ZNF423: variants seen among roughly 807,000 people sequenced by gnomAD.
ZNF423 encodes the protein zinc finger protein 423.
ZNF423 carries 12 observed loss-of-function variants against 95.8 expected under a neutral mutation model. That is an observed-to-expected ratio of 0.13 (90% CI 0.08 to 0.20). The LOEUF (loss-of-function observed/expected upper bound fraction) is 0.20. Among genes scored for constraint, ZNF423 ranks in the 10% least tolerant of loss-of-function variants. The pLI is 1.00. For synonymous variants in ZNF423, 749 were observed against 711.9 expected (o/e 1.05, Z -0.83); for missense variants, 1,316 against 1,737.1 (o/e 0.76, Z 4.31).
intron 1 of ZNF423, among the ~76,000 whole-genome samples, chr16:49,806,766 C>T (rs552479007): frequency 1.8e-4 from 28 of 152,034 alleles, no homozygotes; most frequent in Non-Finnish European, 3.4e-4. Context: ...CTGTGACTCA[C>T]GCCTGTAATC....
intron 2 of ZNF423, among the ~76,000 whole-genome samples, chr16:49,771,192 C>CTTTTTTTTTT (rs71380376): frequency 4.5e-5 from 4 of 89,476 alleles, no homozygotes; most frequent in Non-Finnish European, 8.2e-5. Context: ...TTTTTTTTTT[C>CTTTTTTTTTT]TTTTTTTTTT....
At chr16:49,766,230 T>C (rs1284807369) in intron 2 of ZNF423, among the ~76,000 whole-genome samples, 1 of 151,998 alleles carries the variant, frequency 6.6e-6, no homozygotes, top group Non-Finnish European at 1.5e-5. Context: ...TCAAGGGAAA[T>C]ATCATTAAAT....
rs745830262 is a variant in ZNF423, at chr16:49,637,436, G to T, written c.1740C>A (p.Pro580=). 2 of 1,614,118 alleles carry T rather than the reference G, an allele frequency of 1.2e-6. No individual in the cohort carries two copies. The highest frequency in any genetic ancestry group is 3.3e-5 in the Admixed American group (2 of 60,006). Residue 580 remains proline (P), a synonymous_variant, in exon 4 of 8, where the codon CCC becomes CCA. Transcript: ENST00000563137. This position sits in a 1 kb window ranked among gnomAD's most constrained non-coding sequence, Gnocchi z 5.6. The stretch of plus-strand genomic sequence containing the variant: ...TGAGTTTCAGGATGGAGCCAAAGAT[G>T]GGGGAGTTGGTGCAGTAGGGGCAGG... ...VYSCPYCTNS[P]IFGSILKLTK...
intron 3 of ZNF423, among the ~76,000 whole-genome samples, chr16:49,652,457 C>A (rs935955575): frequency 6.6e-6 from 1 of 152,072 alleles, no homozygotes; most frequent in African/African-American, 2.4e-5. Context: ...GGAAGAGCCC[C>A]CCAAGTCTGC....
chr16:49,502,424 G>C (rs1049076109), intron 7 of ZNF423, among the ~76,000 whole-genome samples: 2 of 152,066 alleles, frequency 1.3e-5, no homozygotes, highest in Admixed American at 6.5e-5. Context: ...GCCAGGTGCT[G>C]GCAAACCTGG....
chr16:49,681,707 G>A lies in ZNF423; in HGVS notation c.302-42833C>T, dbSNP rs1216822009. Among the ~76,000 whole-genome samples the A allele has an allele frequency of 2.0e-5, 3 of 152,320 alleles. No individual in the cohort carries two copies. In the South Asian group the frequency reaches 6.2e-4, roughly 32 times the overall value. On this transcript the variant is annotated intron_variant, in intron 3 of 7. Transcript: ENST00000563137. ...CGGCCACTCCCCCAGGTGCCCATGG[G>A]TTCCTGGAGGCTGCAGGGATCTGAA...
chr16:49,858,082 C>A (rs376345275), upstream of ZNF423, among the ~76,000 whole-genome samples: 100 of 152,172 alleles, frequency 6.6e-4, no homozygotes, highest in African/African-American at 2.0e-3. The surrounding 1 kb of genome is among the most constrained non-coding windows in gnomAD (Gnocchi z 4.3). Context: ...GAGAACGGAG[C>A]GGGTGCACGG....
In ZNF423 at chr16:49,606,913, C is replaced by T. The variant is rs144022309; in HGVS notation, c.3601+19257G>A. ...CCATTGGAACCAGAGCAGAGCCCAC[C>T]GGGTGGGGGTCTGCAGGGAGAGGAG... is the stretch of plus-strand genomic sequence containing the variant. On this transcript the variant is annotated intron_variant, in intron 5 of 7. Coordinates refer to ENST00000563137, the MANE Select transcript of ZNF423 (RefSeq NM_001379286.1). Among the ~76,000 whole-genome samples, 25 of 152,148 alleles carry T rather than the reference C, an allele frequency of 1.6e-4. No homozygotes were observed. In the East Asian group the frequency reaches 3.5e-3, roughly 21 times the overall value.
chr16:49,750,715 A>G (rs745835415), intron 2 of ZNF423, among the ~76,000 whole-genome samples: 1 of 152,182 alleles, frequency 6.6e-6, no homozygotes, highest in Non-Finnish European at 1.5e-5. Flanking sequence ...AGATGCATAA[A>G]TAGAGAAATA....
intron 5 of ZNF423, among the ~76,000 whole-genome samples, chr16:49,604,889 A>G (rs1971486045): frequency 6.6e-6 from 1 of 152,188 alleles, no homozygotes; most frequent in Non-Finnish European, 1.5e-5. Flanking sequence ...GACTGTCCAC[A>G]TCACCAGATC....
intron 1 of ZNF423, chr16:49,854,246 G>A: frequency 7.1e-6 from 7 of 985,402 alleles, no homozygotes; most frequent in Non-Finnish European, 8.4e-6. Flanking sequence ...CAGGGAAAAG[G>A]AGGAGTAGGA....
intron 7 of ZNF423, among the ~76,000 whole-genome samples, chr16:49,496,685 A>G (rs947724281): frequency 6.6e-6 from 1 of 152,232 alleles, no homozygotes; most frequent in Non-Finnish European, 1.5e-5. Flanking sequence ...CTCAGGAGAT[A>G]ATGCCTGCAT....
At chr16:49,515,765 G>A (rs532523157) in intron 7 of ZNF423, among the ~76,000 whole-genome samples, 4 of 152,334 alleles carry the variant, frequency 2.6e-5, no homozygotes, top group Non-Finnish European at 4.4e-5. Flanking sequence ...CATCCCCACA[G>A]TGAGGATGAA....
chr16:49,609,707 C>T (rs1243513250), intron 5 of ZNF423, among the ~76,000 whole-genome samples: 2 of 151,852 alleles, frequency 1.3e-5, no homozygotes, highest in South Asian at 4.2e-4. Flanking sequence ...GGGACTATAA[C>T]ATTTTTGTGA....
intron 5 of ZNF423, among the ~76,000 whole-genome samples, chr16:49,545,554 G>C (rs1026412230): frequency 1.3e-5 from 2 of 152,148 alleles, no homozygotes; most frequent in Non-Finnish European, 2.9e-5. Flanking sequence ...TCAGCACCGA[G>C]CCTCCGACAG....
intron 5 of ZNF423, among the ~76,000 whole-genome samples, chr16:49,613,540 A>T (rs1409971154): frequency 6.6e-6 from 1 of 152,222 alleles, no homozygotes; most frequent in African/African-American, 2.4e-5. Context: ...AAATTTAAAA[A>T]TTAGCCAGAT....
intron 4 of ZNF423, among the ~76,000 whole-genome samples, chr16:49,628,314 A>G (rs1340333217): frequency 6.7e-6 from 1 of 148,498 alleles, no homozygotes; most frequent in Non-Finnish European, 1.5e-5. Context: ...CTACCCATTC[A>G]TCCATCTTCC....
intron 3 of ZNF423, among the ~76,000 whole-genome samples, chr16:49,694,476 C>T (rs1225589816): frequency 1.3e-5 from 2 of 152,330 alleles, no homozygotes; most frequent in East Asian, 3.9e-4. Context: ...CAGCCCTGAA[C>T]ACCTTTTTGG....
rs192792809 is a variant in ZNF423 at position 49,761,741 on chromosome 16, T to C, written c.100+27746A>G. On this transcript the variant is annotated intron_variant, in intron 2 of 7. Coordinates refer to ENST00000563137, the MANE Select transcript of ZNF423 (RefSeq NM_001379286.1). Reference sequence around the variant, plus strand: ...ACTAACCAGCTAATTCTGAATACTATTGACCTCTGCACAAACATCCAAGGT... The same window carrying C: ...ACTAACCAGCTAATTCTGAATACTACTGACCTCTGCACAAACATCCAAGGT... 1.6e-3 allele frequency among the ~76,000 whole-genome samples: 248 copies of C among 152,320 alleles called. 1 individual carries two copies. Among genetic ancestry groups the C allele is most frequent in the African/African-American group, 5.7e-3 (235 of 41,574 alleles).
Sources: allele counts gnomAD v4.1 joint callset (sites outside exome capture counted in the v4.1 genomes callset), GRCh38; gene constraint gnomAD v4.1.1; non-coding constraint Gnocchi (gnomAD v3.1); transcripts MANE v1.5; gene names NCBI Gene and HGNC (gene_info 2026-07-23, HGNC 2026-07-21).